Variants in GABRB2 observed in about 807,000 individuals in gnomAD.
GABRB2 encodes gamma-aminobutyric acid receptor subunit beta-2.
A neutral mutation model predicts 54.7 loss-of-function variants in GABRB2; 16 were observed. The ratio of observed to expected loss-of-function variants is 0.29; its 90% confidence interval spans 0.20 to 0.44. The LOEUF is 0.44. GABRB2 is among the 20% of genes least tolerant of loss of function. GABRB2 has a pLI of 1.00. For synonymous variants in GABRB2, 244 were observed against 233.8 expected, an observed-to-expected ratio of 1.04 and a Z score of -0.40; for missense variants, 355 against 644.0, an observed-to-expected ratio of 0.55 and a Z score of 4.86.
chr5:161,526,796 G>T (rs538653700), intron 3 of GABRB2, among the ~76,000 whole-genome samples: 4 of 151,308 alleles, frequency 2.6e-5, no homozygotes, highest in African/African-American at 4.8e-5. Context: ...TATGTAAGAC[G>T]TATGGGCACA....
intron 3 of GABRB2, among the ~76,000 whole-genome samples, chr5:161,506,199 G>A (rs1759600361): frequency 6.6e-6 from 1 of 151,958 alleles, no homozygotes; most frequent in African/African-American, 2.4e-5. Flanking sequence ...ACATACTAAG[G>A]AAAAGTTTTA....
upstream of GABRB2, among the ~76,000 whole-genome samples, chr5:161,547,544 C>A (rs1369232639): frequency 6.6e-6 from 1 of 151,436 alleles, no homozygotes; most frequent in Non-Finnish European, 1.5e-5. Flanking sequence ...ACGTTCCTGA[C>A]CCGCTAGTCC....
chr5:161,362,399 C>T (rs529308389), intron 5 of GABRB2, among the ~76,000 whole-genome samples: 2 of 152,186 alleles, frequency 1.3e-5, no homozygotes, highest in African/African-American at 2.4e-5. Context: ...ATTGATTCTT[C>T]CTATCCATGA....
chr5:161,434,932 T>C (rs1177330902), intron 4 of GABRB2, among the ~76,000 whole-genome samples: 1 of 152,188 alleles, frequency 6.6e-6, no homozygotes, highest in Non-Finnish European at 1.5e-5. Flanking sequence ...ATATTGCGAC[T>C]CTGGTTTGAT....
intron 3 of GABRB2, among the ~76,000 whole-genome samples, chr5:161,535,090 A>C (rs1445995023): frequency 6.6e-6 from 1 of 152,200 alleles, no homozygotes; most frequent in Non-Finnish European, 1.5e-5. Flanking sequence ...TTGCTGAAGC[A>C]ATAGGAAAAT....
chr5:161,479,334 C>G lies in GABRB2; in HGVS notation c.238-19490G>C, dbSNP rs1758686998. Among the ~76,000 whole-genome samples the G allele has an allele frequency of 2.6e-5, 4 of 152,038 alleles. No homozygotes were observed. The South Asian group carries it at 8.3e-4, about 32-fold the overall frequency. ...TCCTTTGGCGAGAATGACCTCCCAA[C>G]CACCACACAGCTTACCTTCTGCAAG... On this transcript the variant is annotated intron_variant, in intron 3 of 9. Coordinates refer to ENST00000393959, the MANE Select transcript of GABRB2 (RefSeq NM_001371727.1).
chr5:161,430,122 G>A (rs900240296), intron 4 of GABRB2, among the ~76,000 whole-genome samples: 2 of 151,948 alleles, frequency 1.3e-5, no homozygotes, highest in South Asian at 4.2e-4. Flanking sequence ...AAAAGCCTCC[G>A]AGAAACTAAG....
chr5:161,492,742 C>T (rs909053400), intron 3 of GABRB2, among the ~76,000 whole-genome samples: 1 of 151,618 alleles, frequency 6.6e-6, no homozygotes, highest in South Asian at 2.1e-4. Context: ...AGGTACCCAC[C>T]GTAAAACAGT....
At chr5:161,380,865 T>TTA in intron 5 of GABRB2, among the ~76,000 whole-genome samples, 1 of 148,434 alleles carries the variant, frequency 6.7e-6, no homozygotes, top group South Asian at 2.1e-4. Flanking sequence ...TTTACAAGGG[T>TTA]AAAAAAAAAA....
chr5:161,439,037 A>G (rs1757387666), intron 4 of GABRB2, among the ~76,000 whole-genome samples: 1 of 152,194 alleles, frequency 6.6e-6, no homozygotes, highest in African/African-American at 2.4e-5. Flanking sequence ...GATAATATCC[A>G]AGTACAAGAA....
At position 161,513,892 on chromosome 5, in the gene GABRB2, T is replaced by C. The variant is rs144851476; in HGVS notation, c.237+31335A>G. On this transcript the variant is annotated intron_variant, in intron 3 of 9. Transcript: ENST00000393959. ...AAATTGCAACAAAAATCACACACAC[T>C]GGAAATGTTAACTACAATGAAGCTG... Among the ~76,000 whole-genome samples the C allele has an allele frequency of 4.8e-4, 73 of 152,284 alleles. No homozygotes were observed. In the East Asian group the frequency reaches 8.7e-3, roughly 18 times the overall value.
chr5:161,351,631 T>C (rs368880352), intron 5 of GABRB2, among the ~76,000 whole-genome samples: 31 of 152,154 alleles, frequency 2.0e-4, no homozygotes, highest in African/African-American at 7.5e-4. Context: ...CTCCATGACA[T>C]TGGTCTGGGC....
At chr5:161,365,453 T>C (rs181698029) in intron 5 of GABRB2, among the ~76,000 whole-genome samples, 8 of 152,336 alleles carry the variant, frequency 5.3e-5, no homozygotes, top group East Asian at 3.9e-4. Flanking sequence ...TGTTTTTATA[T>C]TGACACATAA....
chr5:161,397,703 C>T (rs1029579980), intron 5 of GABRB2, among the ~76,000 whole-genome samples: 1 of 152,128 alleles, frequency 6.6e-6, no homozygotes, highest in Non-Finnish European at 1.5e-5. Flanking sequence ...GAATCACTTC[C>T]TATATTAAAA....
chr5:161,466,765 C>G (rs1174934573), intron 3 of GABRB2, among the ~76,000 whole-genome samples: 1 of 152,014 alleles, frequency 6.6e-6, no homozygotes, highest in Admixed American at 6.6e-5. Flanking sequence ...CAACCATGAG[C>G]TTCGGCCCTC....
chr5:161,500,505 T>G (rs548017722), intron 3 of GABRB2, among the ~76,000 whole-genome samples: 1 of 152,312 alleles, frequency 6.6e-6, no homozygotes, highest in East Asian at 1.9e-4. Flanking sequence ...AATTGGTTAA[T>G]AGATTTTTTG....
intron 3 of GABRB2, among the ~76,000 whole-genome samples, chr5:161,487,247 C>A (rs1177726632): frequency 6.6e-6 from 1 of 151,856 alleles, no homozygotes; most frequent in Admixed American, 6.6e-5. Context: ...CTCATTATAG[C>A]ACTTTCATTG....
intron 3 of GABRB2, 126 bp downstream of exon 3, chr5:161,545,101 C>G: frequency 1.7e-6 from 1 of 584,076 alleles, no homozygotes; most frequent in South Asian, 2.7e-5. Context: ...GGGTGAAATT[C>G]CATGCTCTCA....
At chr5:161,318,954 A>G (rs1307039671) in intron 9 of GABRB2, among the ~76,000 whole-genome samples, 1 of 151,934 alleles carries the variant, frequency 6.6e-6, no homozygotes, top group Non-Finnish European at 1.5e-5. Flanking sequence ...TTTTCTATAT[A>G]GGAAAAAAGC....
Sources: gnomAD v4.1 joint callset for allele counts (sites outside exome capture counted in the v4.1 genomes callset) on GRCh38, gnomAD v4.1.1 for gene constraint, MANE v1.5 for transcripts, NCBI Gene and HGNC (gene_info 2026-07-23, HGNC 2026-07-21) for gene names.